EBF1: variants seen among roughly 807,000 people sequenced by gnomAD.
The protein encoded by EBF1 is transcription factor COE1.
EBF1 carries 10 observed loss-of-function variants against 68.4 expected under a neutral mutation model. The ratio of observed to expected loss-of-function variants is 0.15; its 90% CI spans 0.09 to 0.25. EBF1 has a LOEUF of 0.25. EBF1 is among the 10% of genes least tolerant of loss of function. The probability of loss-of-function intolerance (pLI) is 1.00; values close to 1 mark genes in which losing one functional copy is unlikely to be tolerated. For missense variants in EBF1, 509 were observed against 794.4 expected (o/e 0.64, Z 4.32); for synonymous variants, 298 against 299.8 (o/e 0.99, Z 0.06).
intron 4 of EBF1, among the ~76,000 whole-genome samples, chr5:159,087,970 G>A (rs552876297): frequency 7.2e-5 from 11 of 152,160 alleles, no homozygotes; most frequent in Non-Finnish European, 1.5e-4. Flanking sequence ...GCACATAAAG[G>A]CAGAGAAAGA....
chr5:159,016,638 C>T (rs1445739832), intron 6 of EBF1, among the ~76,000 whole-genome samples: 1 of 152,214 alleles, frequency 6.6e-6, no homozygotes, highest in Middle Eastern at 3.2e-3. Context: ...ACCAAGGACT[C>T]CATGCCTATG....
intron 6 of EBF1, among the ~76,000 whole-genome samples, chr5:158,881,302 T>C (rs1381676795): frequency 2.0e-5 from 3 of 152,228 alleles, no homozygotes; most frequent in African/African-American, 7.2e-5. Context: ...TAAAGTAGCC[T>C]GTTTGTCAAG....
At chr5:158,822,816 T>C (rs1785148928) in intron 8 of EBF1, among the ~76,000 whole-genome samples, 1 of 152,208 alleles carries the variant, frequency 6.6e-6, no homozygotes. Context: ...TGATACCAAA[T>C]TGTGTGGCCT....
chr5:159,091,457 G>A (rs1471970107), intron 4 of EBF1, among the ~76,000 whole-genome samples: 1 of 152,166 alleles, frequency 6.6e-6, no homozygotes, highest in African/African-American at 2.4e-5. Flanking sequence ...GTTACCAAAG[G>A]AGAGAGAAAG....
At chr5:159,053,117 A>C (rs924266733) in intron 6 of EBF1, among the ~76,000 whole-genome samples, 1 of 152,208 alleles carries the variant, frequency 6.6e-6, no homozygotes, top group Non-Finnish European at 1.5e-5. Context: ...GAGGCAGAAT[A>C]GTGTTATGAT....
At position 159,052,736 on chromosome 5, in the gene EBF1, C is replaced by T. The variant is rs73303992; in HGVS notation, c.554+20660G>A. 9.4e-3 allele frequency among the ~76,000 whole-genome samples: 1,433 copies of T among 152,324 alleles called. 21 individuals carry two copies. Among genetic ancestry groups the T allele is most frequent in the African/African-American group, 0.032 (1,312 of 41,562 alleles). On this transcript the variant is annotated intron_variant, in intron 6 of 15. Transcript: ENST00000313708. ...TAATTGTTTTAGTGAAGCTCACTGC[C>T]TCCTCAGTGGTCCGTGAGACCCTGC...
intron 6 of EBF1, among the ~76,000 whole-genome samples, chr5:158,920,546 G>A (rs1479562020): frequency 6.6e-6 from 1 of 152,120 alleles, no homozygotes; most frequent in Non-Finnish European, 1.5e-5. Context: ...TGAAAGGCAT[G>A]TGCAGCAGGC....
intron 6 of EBF1, among the ~76,000 whole-genome samples, chr5:158,851,666 A>AG (rs1792774803): frequency 3.6e-5 from 3 of 84,006 alleles, no homozygotes; most frequent in African/African-American, 9.6e-5. Context: ...GGAGGGGAGG[A>AG]AGGGAAGGGA....
intron 6 of EBF1, among the ~76,000 whole-genome samples, chr5:158,869,837 C>T (rs1379940792): frequency 1.3e-5 from 2 of 152,016 alleles, no homozygotes; most frequent in Non-Finnish European, 2.9e-5. Flanking sequence ...CTAGGGGATA[C>T]CTATTTTGTT....
intron 7 of EBF1, 81 bp downstream of exon 7, chr5:158,839,948 G>A (rs769672630): frequency 5.6e-5 from 77 of 1,384,060 alleles, no homozygotes; most frequent in South Asian, 5.1e-4. Flanking sequence ...AAAAAGCTAC[G>A]TATCTTCTGC....
intron 5 of EBF1, among the ~76,000 whole-genome samples, chr5:159,084,007 T>C (rs1448263993): frequency 1.3e-5 from 2 of 152,230 alleles, no homozygotes; most frequent in Non-Finnish European, 2.9e-5. Context: ...TTCAGTCTGA[T>C]TACAGGCAAA....
At chr5:158,925,838 C>A (rs1018441631) in intron 6 of EBF1, among the ~76,000 whole-genome samples, 3 of 152,146 alleles carry the variant, frequency 2.0e-5, no homozygotes, top group Non-Finnish European at 4.4e-5. Context: ...ATTAATATAT[C>A]AACTGTTTTT....
chr5:159,058,643 G>A (rs1389007341), intron 6 of EBF1, among the ~76,000 whole-genome samples: 3 of 152,212 alleles, frequency 2.0e-5, no homozygotes, highest in Non-Finnish European at 4.4e-5. Flanking sequence ...CAAAGGAACT[G>A]CCTCATTTGG....
intron 6 of EBF1, among the ~76,000 whole-genome samples, chr5:158,883,781 T>TG (rs940927128): frequency 2.0e-5 from 3 of 152,152 alleles, no homozygotes; most frequent in African/African-American, 7.2e-5. Context: ...CCTTCCCTAC[T>TG]GTTCAAAGCA....
chr5:158,910,119 T>C (rs1010229328), intron 6 of EBF1, among the ~76,000 whole-genome samples: 7 of 152,200 alleles, frequency 4.6e-5, no homozygotes, highest in Non-Finnish European at 1.0e-4. Context: ...CATTGAGCTA[T>C]GGAATTTGTC....
chr5:158,919,250 T>TG (rs1223511764), intron 6 of EBF1, among the ~76,000 whole-genome samples: 2 of 151,584 alleles, frequency 1.3e-5, no homozygotes, highest in African/African-American at 4.8e-5. Context: ...TTTTTTTTTT[T>TG]GAAATGGAAG....
In EBF1 at chr5:158,972,588, G is replaced by A. The variant is rs139387011; in HGVS notation, c.554+100808C>T. On this transcript the variant is annotated intron_variant, in intron 6 of 15. Transcript: ENST00000313708. ...ATACCCAAAGCCTGTTGTTGGAAAC[G>A]CTTCCCTTTAGTTTAAGGCTTCTTG... Among the ~76,000 whole-genome samples, 130 of 152,314 alleles carry A rather than the reference G, an allele frequency of 8.5e-4. 1 individual carries two copies. The Middle Eastern group carries it at 0.01, about 12-fold the overall frequency.
chr5:159,001,552 C>T (rs568476986), intron 6 of EBF1, among the ~76,000 whole-genome samples: 137 of 152,278 alleles, frequency 9.0e-4, no homozygotes, highest in East Asian at 1.5e-3. Context: ...GATATTCCCC[C>T]ACCTCACAAG....
At chr5:159,033,692 G>T (rs1769423430) in intron 6 of EBF1, among the ~76,000 whole-genome samples, 1 of 152,160 alleles carries the variant, frequency 6.6e-6, no homozygotes, top group Non-Finnish European at 1.5e-5. Context: ...AAATGCCATT[G>T]GCTGGTAAAT....
Sources: gnomAD v4.1 joint callset for allele counts (sites outside exome capture counted in the v4.1 genomes callset) on GRCh38, gnomAD v4.1.1 for gene constraint, MANE v1.5 for transcripts, NCBI Gene and HGNC (gene_info 2026-07-23, HGNC 2026-07-21) for gene names.